Variants in MGAT5 observed in about 807,000 individuals in gnomAD.
The protein encoded by MGAT5 is alpha-1,6-mannosylglycoprotein 6-beta-N-acetylglucosaminyltransferase A.
In MGAT5, 30 loss-of-function variants were observed where a neutral mutation model predicts 94.3. The observed-to-expected ratio is 0.32, with a 90% CI of 0.24 to 0.43. MGAT5 has a LOEUF of 0.43. Ranked by LOEUF, MGAT5 falls within the 20% of genes least tolerant of loss-of-function variation. The pLI, the probability that MGAT5 is intolerant of heterozygous loss-of-function variation, is 1.00. For missense variants in MGAT5, 691 were observed against 905.5 expected (o/e 0.76, Z 3.04); for synonymous variants, 310 against 322.9 (o/e 0.96, Z 0.43).
chr2:134,387,324 ATATATATATTTTTT>A (rs1475073690), intron 10 of MGAT5, among the ~76,000 whole-genome samples: 1 of 41,148 alleles, frequency 2.4e-5, no homozygotes, highest in African/African-American at 1.2e-4. Flanking sequence ...ATATATATAT[ATATATATATTTTTT>A]TTTTTTTTTT....
At chr2:134,198,577 C>T (rs184191657) in intron 1 of MGAT5, among the ~76,000 whole-genome samples, 5 of 152,338 alleles carry the variant, frequency 3.3e-5, no homozygotes, top group Admixed American at 2.6e-4. Flanking sequence ...GGAGCATAGT[C>T]AACCTACTCT....
chr2:134,242,835 T>C (rs1682041932), intron 1 of MGAT5, among the ~76,000 whole-genome samples: 1 of 152,174 alleles, frequency 6.6e-6, no homozygotes, highest in African/African-American at 2.4e-5. Context: ...TAATAAAAGC[T>C]GTATTAGTTC....
intron 2 of MGAT5, among the ~76,000 whole-genome samples, chr2:134,271,217 A>AC (rs72076875): frequency 4.0e-5 from 6 of 150,216 alleles, no homozygotes; most frequent in East Asian, 3.9e-4. Context: ...TCACATTAGA[A>AC]CCCCCCCATC....
intron 11 of MGAT5, among the ~76,000 whole-genome samples, chr2:134,412,420 G>A (rs781141632): frequency 6.6e-6 from 1 of 152,000 alleles, no homozygotes; most frequent in African/African-American, 2.4e-5. Flanking sequence ...CTGTCCCTCC[G>A]CCCAGCATTC....
chr2:134,247,720 G>A (rs1047342990), intron 1 of MGAT5, among the ~76,000 whole-genome samples: 1 of 152,160 alleles, frequency 6.6e-6, no homozygotes, highest in Non-Finnish European at 1.5e-5. Flanking sequence ...CTCTAACAGT[G>A]TTCTGTGTTT....
At chr2:134,435,576 G>A (rs1685125768) in intron 14 of MGAT5, among the ~76,000 whole-genome samples, 1 of 152,118 alleles carries the variant, frequency 6.6e-6, no homozygotes, top group African/African-American at 2.4e-5. Flanking sequence ...GGGATTTGTG[G>A]TTCCTCTGGT....
intron 9 of MGAT5, among the ~76,000 whole-genome samples, chr2:134,359,903 A>G (rs1196719061): frequency 6.6e-6 from 1 of 152,226 alleles, no homozygotes. Flanking sequence ...CTGGGCCGGT[A>G]GTTACTTCAG....
chr2:134,359,856 C>T (rs566220602), intron 9 of MGAT5, among the ~76,000 whole-genome samples: 1 of 152,326 alleles, frequency 6.6e-6, no homozygotes, highest in Admixed American at 6.5e-5. Context: ...ACCGGGTGGG[C>T]TCCAGCTGGT....
At position 134,128,273 on chromosome 2, in the gene MGAT5, G is replaced by A. The variant is rs191770737; in HGVS notation, c.-143+7982G>A. 5.2e-3 allele frequency among the ~76,000 whole-genome samples: 784 copies of A among 152,224 alleles called. 7 individuals are homozygous for A. Among genetic ancestry groups the A allele is most frequent in the African/African-American group, 0.018 (737 of 41,520 alleles). ...AGAAAAGAAAAAGAAAAGAAAGAGA[G>A]AGAGAGAAAGAAGAAAGAGGGAGTG... is the stretch of plus-strand genomic sequence containing the variant. On this transcript the variant is annotated intron_variant, in intron 1 of 16. Transcript: ENST00000409645.
intron 15 of MGAT5, among the ~76,000 whole-genome samples, chr2:134,448,204 A>G (rs1037934076): frequency 5.3e-5 from 8 of 152,212 alleles, no homozygotes; most frequent in African/African-American, 1.4e-4. Context: ...CCGTGTGCAC[A>G]CTGCGGGCTG....
chr2:134,283,464 C>G (rs1444911922), intron 2 of MGAT5, among the ~76,000 whole-genome samples: 1 of 152,054 alleles, frequency 6.6e-6, no homozygotes, highest in Non-Finnish European at 1.5e-5. Context: ...GGAGCAGGTT[C>G]TAGTCATTCA....
At chr2:134,228,030 C>T (rs1681156417) in intron 1 of MGAT5, among the ~76,000 whole-genome samples, 1 of 152,112 alleles carries the variant, frequency 6.6e-6, no homozygotes, top group Admixed American at 6.5e-5. Context: ...AGAATTTTAC[C>T]ACAAAATGGG....
chr2:134,326,951 C>T (rs760002528), intron 4 of MGAT5, among the ~76,000 whole-genome samples: 2 of 152,108 alleles, frequency 1.3e-5, no homozygotes, highest in African/African-American at 2.4e-5. Context: ...TGACCATTAA[C>T]ACCTAATGTT....
At chr2:134,290,499 T>G (rs1032120163) in intron 2 of MGAT5, among the ~76,000 whole-genome samples, 1 of 152,210 alleles carries the variant, frequency 6.6e-6, no homozygotes, top group Admixed American at 6.5e-5. Flanking sequence ...TGGCTTCCTG[T>G]CTTTAGTCAT....
chr2:134,442,953 G>T (rs1685568427), intron 15 of MGAT5, among the ~76,000 whole-genome samples: 1 of 152,158 alleles, frequency 6.6e-6, no homozygotes, highest in Non-Finnish European at 1.5e-5. Context: ...TTTAGGAAGT[G>T]GAGTGGACCT....
Position 134,172,953 on chromosome 2 carries a change from C to T in MGAT5, c.-143+52662C>T, listed in dbSNP as rs143916515. Among the ~76,000 whole-genome samples, 14 of 152,270 alleles carry T rather than the reference C, an allele frequency of 9.2e-5. 1 individual carries two copies. The highest frequency in any genetic ancestry group is 3.4e-4 in the African/African-American group (14 of 41,554). Reference sequence around the variant, plus strand: ...CATCACAGGAGGAAAAACACCCCAGCATCCCACAACTAGATGAATGTCTTG... The same window carrying T: ...CATCACAGGAGGAAAAACACCCCAGTATCCCACAACTAGATGAATGTCTTG... On this transcript the variant is annotated intron_variant, in intron 1 of 16. Transcript: ENST00000409645.
intron 1 of MGAT5, among the ~76,000 whole-genome samples, chr2:134,127,899 C>T (rs1263597625): frequency 1.3e-5 from 2 of 152,014 alleles, no homozygotes; most frequent in African/African-American, 2.4e-5. Flanking sequence ...TTTGAGGTTC[C>T]GTTTGGTCAT....
At chr2:134,387,312 ATATATATATATATATATATATTT>A in intron 10 of MGAT5, among the ~76,000 whole-genome samples, 1 of 26,562 alleles carries the variant, frequency 3.8e-5, no homozygotes, top group African/African-American at 1.5e-4. Flanking sequence ...ATATATATAT[ATATATATATATATATATATATTT>A]TTTTTTTTTT....
intron 2 of MGAT5, among the ~76,000 whole-genome samples, chr2:134,290,800 G>T (rs899718658): frequency 1.9e-5 from 1 of 52,208 alleles, no homozygotes; most frequent in Admixed American, 2.1e-4. Context: ...GTGCTTTACA[G>T]TTGTGGTTTA....
Sources: gnomAD v4.1 joint callset for allele counts (sites outside exome capture counted in the v4.1 genomes callset) on GRCh38, gnomAD v4.1.1 for gene constraint, MANE v1.5 for transcripts, NCBI Gene and HGNC (gene_info 2026-07-23, HGNC 2026-07-21) for gene names.